The following TCF7L2 variants were observed in gnomAD, a reference collection of about 807,000 sequenced individuals.
TCF7L2 encodes the protein transcription factor 7-like 2.
Under a neutral mutation model 77.9 loss-of-function variants are expected in TCF7L2, and 23 were observed. The ratio of observed to expected loss-of-function variants is 0.30; its 90% CI spans 0.21 to 0.42. TCF7L2 has a LOEUF of 0.42. Among genes scored for constraint, TCF7L2 ranks in the 10% least tolerant of loss-of-function variants. The pLI is 1.00. For missense variants in TCF7L2, 654 were observed against 793.1 expected (o/e 0.82, Z 2.11); for synonymous variants, 413 against 340.2 (o/e 1.21, Z -2.36).
intron 5 of TCF7L2, among the ~76,000 whole-genome samples, chr10:113,095,213 G>A (rs2060827483): frequency 6.6e-6 from 1 of 152,208 alleles, no homozygotes; most frequent in African/African-American, 2.4e-5. Flanking sequence ...TGAAGAGAGA[G>A]TGATTCTGGG....
In TCF7L2 at chr10:113,073,129, T is replaced by TGTGTGAGA. The variant is rs56927661; in HGVS notation, c.552+33004_552+33005insTGTGAGAG. On this transcript the variant is annotated intron_variant, in intron 5 of 13. Transcript: ENST00000627217. ...GTGTGTGTGTGTGTGTGTGTGTGTGTGAGAGAGAGAGAGAGAGAGAGACAG... is the reference window on the plus strand; with the variant it reads ...GTGTGTGTGTGTGTGTGTGTGTGTGTGTGTGAGAGAGAGAGAGAGAGAGAGAGAGACAG... Among the ~76,000 whole-genome samples, 23 of 123,578 alleles carry TGTGTGAGA rather than the reference T, an allele frequency of 1.9e-4. No individual in the cohort carries two copies. In the South Asian group the frequency reaches 4.0e-3, roughly 22 times the overall value. 81.1% of individuals were successfully genotyped at this position (123,578 alleles called of 152,430 possible). A position where few individuals can be genotyped will look rare whatever the true frequency, so the allele number is the denominator to read the frequency against.
intron 4 of TCF7L2, among the ~76,000 whole-genome samples, chr10:112,972,361 A>G (rs1160490938): frequency 1.3e-5 from 2 of 152,250 alleles, no homozygotes; most frequent in African/African-American, 2.4e-5. Context: ...TAGCTTGGAC[A>G]ATAAGGTGCT....
At chr10:113,157,759 G>A (rs1453047881) in intron 11 of TCF7L2, 2 of 407,856 alleles carry the variant, frequency 4.9e-6, no homozygotes, top group Non-Finnish European at 9.1e-6. Context: ...AATGGACATA[G>A]GTACATGAGA....
chr10:112,989,815 G>A (rs557309306), intron 4 of TCF7L2, among the ~76,000 whole-genome samples: 1 of 152,282 alleles, frequency 6.6e-6, no homozygotes, highest in East Asian at 1.9e-4. Context: ...TTGTTGTGGT[G>A]TTTCAGGGGG....
At chr10:113,067,529 A>C (rs903536931) in intron 5 of TCF7L2, among the ~76,000 whole-genome samples, 1 of 152,222 alleles carries the variant, frequency 6.6e-6, no homozygotes, top group Non-Finnish European at 1.5e-5. Flanking sequence ...CTTCTCTTGC[A>C]AAGTTTCTGA....
chr10:113,105,084 T>A (rs2062118390), intron 5 of TCF7L2, among the ~76,000 whole-genome samples: 2 of 152,110 alleles, frequency 1.3e-5, no homozygotes, highest in Admixed American at 1.3e-4. Context: ...GGACACAAAT[T>A]ATGGGAAAGC....
In TCF7L2 at chr10:112,991,414, A is replaced by G. The variant is rs180988137; in HGVS notation, c.450+26790A>G. Among the ~76,000 whole-genome samples the G allele has an allele frequency of 7.6e-3, 1,110 of 145,164 alleles. 9 individuals are homozygous for G. Among genetic ancestry groups the G allele is most frequent in the South Asian group, 0.027 (131 of 4,812 alleles). On this transcript the variant is annotated intron_variant, in intron 4 of 13. Transcript: ENST00000627217. ...TCCCAGCTGCTCGGGAGTCTGAGGC[A>G]GGAGAATGGCGTGAACCCGGGAGGC...
intron 5 of TCF7L2, among the ~76,000 whole-genome samples, chr10:113,089,111 A>G (rs1336775076): frequency 1.3e-5 from 2 of 152,134 alleles, no homozygotes; most frequent in Non-Finnish European, 2.9e-5. Flanking sequence ...GGCTCAGAGG[A>G]AGGGGAGGCC....
In TCF7L2 at chr10:113,161,542, G is replaced by A. The variant is rs916487508; in HGVS notation, c.1391+851G>A. 8 of 1,535,490 alleles carry A rather than the reference G, an allele frequency of 5.2e-6. No individual in the cohort carries two copies. The African/African-American group carries it at 1.1e-4, about 21-fold the overall frequency. On this transcript the variant is annotated intron_variant, in intron 13 of 13. Coordinates refer to ENST00000627217, the MANE Select transcript of TCF7L2 (RefSeq NM_001146274.2). ...TTTCCTTTCTTTAATGACCACCTTT[G>A]GTTAAATGTGTTGTTTCTTTGTTCT... is the stretch of plus-strand genomic sequence containing the variant.
intron 5 of TCF7L2, among the ~76,000 whole-genome samples, chr10:113,122,628 C>A (rs934728938): frequency 6.6e-6 from 1 of 152,026 alleles, no homozygotes; most frequent in Non-Finnish European, 1.5e-5. Context: ...TTGTACTGGC[C>A]CATCATCTAA....
chr10:113,126,758 G>A, intron 5 of TCF7L2: 4 of 985,748 alleles, frequency 4.1e-6, no homozygotes, highest in Non-Finnish European at 4.8e-6. Flanking sequence ...GGCGCGGGCT[G>A]CAGGGCGGGT....
At chr10:113,103,340 T>G (rs2061882865) in intron 5 of TCF7L2, among the ~76,000 whole-genome samples, 1 of 152,230 alleles carries the variant, frequency 6.6e-6, no homozygotes, top group Admixed American at 6.5e-5. Flanking sequence ...CTTCTGAGCC[T>G]CTCTGCAATT....
At chr10:113,028,458 C>T (rs2049606651) in intron 4 of TCF7L2, among the ~76,000 whole-genome samples, 1 of 152,264 alleles carries the variant, frequency 6.6e-6, no homozygotes, top group African/African-American at 2.4e-5. Context: ...AGCATCTCCA[C>T]ATGTTTGTCA....
intron 4 of TCF7L2, chr10:112,987,855 CT>C: frequency 5.8e-6 from 1 of 173,516 alleles, no homozygotes; most frequent in South Asian, 1.3e-4. Flanking sequence ...GCCTGGGATT[CT>C]TTTTCTAGGG....
At chr10:113,049,935 C>T (rs1459370009) in intron 5 of TCF7L2, among the ~76,000 whole-genome samples, 2 of 152,176 alleles carry the variant, frequency 1.3e-5, no homozygotes, top group Admixed American at 6.5e-5. Context: ...GACCCTGGCT[C>T]ATCCAGCAGG....
intron 12 of TCF7L2, 82 bp from the exon 14 acceptor site, chr10:113,159,838 C>A (rs1339300003): frequency 1.5e-5 from 2 of 133,452 alleles, no homozygotes; most frequent in Admixed American, 1.1e-4. Context: ...CTTCCCCCCC[C>A]CCCCCCCTCT....
chr10:113,163,067 T>G (rs1452901162), intron 13 of TCF7L2, among the ~76,000 whole-genome samples: 3 of 151,336 alleles, frequency 2.0e-5, no homozygotes, highest in Non-Finnish European at 1.5e-5. Flanking sequence ...ATTTTCTGAC[T>G]CGTCAGAAAT....
intron 4 of TCF7L2, among the ~76,000 whole-genome samples, chr10:113,003,426 T>G (rs2044862974): frequency 6.6e-6 from 1 of 152,212 alleles, no homozygotes; most frequent in Non-Finnish European, 1.5e-5. Context: ...TCAGCATGGC[T>G]TGGGGATGGT....
intron 8 of TCF7L2, among the ~76,000 whole-genome samples, chr10:113,148,982 A>G (rs907628784): frequency 6.6e-6 from 1 of 152,130 alleles, no homozygotes; most frequent in Non-Finnish European, 1.5e-5. Flanking sequence ...TCACACATGC[A>G]GTGTTTTTCT....
Sources: allele counts gnomAD v4.1 joint callset (sites outside exome capture counted in the v4.1 genomes callset), GRCh38; gene constraint gnomAD v4.1.1; transcripts MANE v1.5; gene names NCBI Gene and HGNC (gene_info 2026-07-23, HGNC 2026-07-21).